Variants in KLHL12 observed in about 807,000 individuals in gnomAD.
The protein encoded by KLHL12 is kelch like family member 12.
In KLHL12, 17 loss-of-function variants were observed where a neutral mutation model predicts 60.8. That is an observed-to-expected ratio of 0.28 (90% CI 0.19 to 0.42). The LOEUF (loss-of-function observed/expected upper bound fraction) is 0.42. Among genes scored for constraint, KLHL12 ranks in the 10% least tolerant of loss-of-function variants. The probability of loss-of-function intolerance (pLI) is 1.00; values close to 1 mark genes in which losing one functional copy is unlikely to be tolerated. For missense variants in KLHL12, 468 were observed against 722.3 expected, an observed-to-expected ratio of 0.65 and a Z score of 4.04; for synonymous variants, 220 against 250.9, an observed-to-expected ratio of 0.88 and a Z score of 1.16.
rs1660394385 is a variant in KLHL12 at position 202,912,478 on chromosome 1, T to TGGCGGC, written c.568-1276_568-1275insGCCGCC. 7.8e-6 allele frequency: 7 copies of TGGCGGC among 900,394 alleles called. No individual in the cohort carries two copies. In the Admixed American group the frequency reaches 1.2e-4, roughly 15 times the overall value. 55.8% of individuals were successfully genotyped at this position (900,394 alleles called of 1,614,324 possible). ...ACAGCCGTGGTGGTGGTGGTGGATA[T>TGGCGGC]GGTGGCAGTGAGGATGGCGATAATG... On this transcript the variant is annotated intron_variant, in intron 4 of 11. Transcript: ENST00000367261.
intron 3 of KLHL12, 99 bp downstream of exon 3, chr1:202,919,656 G>T: frequency 8.7e-7 from 1 of 1,145,604 alleles, no homozygotes; most frequent in Non-Finnish European, 1.2e-6. Flanking sequence ...AACATCCATA[G>T]TTTGTCTCCA....
intron 6 of KLHL12, 107 bp from the exon 7 acceptor site, chr1:202,897,067 T>A (rs1659857112): frequency 3.5e-6 from 3 of 852,494 alleles, no homozygotes; most frequent in East Asian, 4.9e-5. Flanking sequence ...TTGTTTTATG[T>A]GGCTGAGGGA....
Position 202,909,015 on chromosome 1 carries a change from C to T in KLHL12, c.827G>A (p.Arg276His). Residue 276 changes from arginine (R) to histidine (H), a missense_variant, in exon 6 of 12, where the codon CGC (arginine) becomes CAC (histidine). By Grantham distance (29) the Arg-to-His change is conservative. Transcript: ENST00000367261. The surrounding 1 kb of genome is among the most constrained non-coding windows in gnomAD (Gnocchi z 4.1). ...SQMQGPRTRA[R>H]LGANEVLLVV... is the part of the protein sequence containing the mutation. ...CTGCCGAGATACCAGCTTACCTAGG[C>T]GAGCCCTTGTCCTGGGTCCCTGCAT... 4.4e-6 allele frequency: 7 copies of T among 1,609,190 alleles called. No homozygotes were observed. The highest frequency in any genetic ancestry group is 6.0e-6 in the Non-Finnish European group (7 of 1,175,758).
Position 202,925,066 on chromosome 1 carries a change from A to C in KLHL12, c.97T>G (p.Cys33Gly), listed in dbSNP as rs1653458784. The change falls in exon 2 of 12, where the codon TGT becomes GGT. Residue 33 changes from cysteine (C) to glycine (G), a missense_variant. By Grantham distance (159) the Cys-to-Gly change is radical (BLOSUM62 -3). Coordinates refer to ENST00000367261, the MANE Select transcript of KLHL12 (RefSeq NM_021633.4). ...TGCTCTACTCTCAATGTCACATCAC[A>C]GAGGGTATTGCTCTTCCTGAGGGAG... is the stretch of plus-strand genomic sequence containing the variant. ...MNSLRKSNTL[C>G]DVTLRVEQKD... The C allele has an allele frequency of 6.2e-7, 1 of 1,614,174 alleles. No individual in the cohort carries two copies. Among genetic ancestry groups the C allele is most frequent in the Non-Finnish European group, 8.5e-7 (1 of 1,180,028 alleles).
intron 1 of KLHL12, 65 bp downstream of exon 1, chr1:202,927,024 G>C: frequency 1.0e-6 from 1 of 969,676 alleles, no homozygotes; most frequent in Non-Finnish European, 1.2e-6. Flanking sequence ...GGGGGGTAGG[G>C]CCATAACCCG....
chr1:202,906,324 A>G (rs188061337), intron 6 of KLHL12, among the ~76,000 whole-genome samples: 17 of 149,532 alleles, frequency 1.1e-4, no homozygotes, highest in African/African-American at 7.3e-5. Context: ...GCGTGGTGGC[A>G]CACACCTGTA....
chr1:202,906,418 G>A (rs1660191349), intron 6 of KLHL12, among the ~76,000 whole-genome samples: 1 of 133,224 alleles, frequency 7.5e-6, no homozygotes, highest in Non-Finnish European at 1.5e-5. Context: ...TTATGCCACT[G>A]CACTCCAGCC....
Position 202,919,676 on chromosome 1 carries a change from T to A in KLHL12, c.349+79A>T, listed in dbSNP as rs1660626248. 3.7e-6 allele frequency: 5 copies of A among 1,352,622 alleles called. No homozygotes were observed. In the South Asian group the frequency reaches 5.7e-5, roughly 16 times the overall value. The allele number at this position is 1,352,622 out of a possible 1,614,324, so 83.8% of individuals were successfully genotyped here. A position where few individuals can be genotyped will look rare whatever the true frequency, so the allele number is the denominator to read the frequency against. On this transcript the variant is annotated intron_variant, in intron 3 of 11. Transcript: ENST00000367261. ...CCATAGTTTGTCTCCAAAATGTTCA[T>A]GATTAAGTTTACACTATTAATTTTC...
chr1:202,920,106 G>C (rs919259022), intron 2 of KLHL12, among the ~76,000 whole-genome samples, 198 bp from the exon 3 acceptor site: 1 of 152,030 alleles, frequency 6.6e-6, no homozygotes, highest in African/African-American at 2.4e-5. Context: ...CTGAGGTCAG[G>C]AATTCAAGAC....
chr1:202,908,498 T>C (rs2102430345), intron 6 of KLHL12, among the ~76,000 whole-genome samples: 1 of 152,336 alleles, frequency 6.6e-6, no homozygotes, highest in East Asian at 1.9e-4. Flanking sequence ...AGGTTAAGGT[T>C]CCTGCCCAAG....
chr1:202,922,181 A>C (rs1163763964), intron 2 of KLHL12, among the ~76,000 whole-genome samples: 1 of 152,230 alleles, frequency 6.6e-6, no homozygotes, highest in Non-Finnish European at 1.5e-5. Flanking sequence ...ATTTTGCTTT[A>C]GAATTTTTCA....
At chr1:202,896,297 T>C (rs1659831205) in intron 7 of KLHL12, among the ~76,000 whole-genome samples, 1 of 152,116 alleles carries the variant, frequency 6.6e-6, no homozygotes, top group African/African-American at 2.4e-5. Context: ...AGCAATCTTC[T>C]GCCACAGCCT....
intron 4 of KLHL12, among the ~76,000 whole-genome samples, chr1:202,913,354 C>T (rs897852375): frequency 3.3e-5 from 5 of 152,150 alleles, no homozygotes; most frequent in Non-Finnish European, 5.9e-5. Context: ...TGGGAGATAC[C>T]TTTCAGAGTG....
Position 202,891,591 on chromosome 1 carries a change from G to C in KLHL12, c.*942C>G, listed in dbSNP as rs1659677752. 1 of 152,220 alleles carries C rather than the reference G, an allele frequency of 6.6e-6. No individual in the cohort carries two copies. Among genetic ancestry groups the C allele is most frequent in the Non-Finnish European group, 1.5e-5 (1 of 68,050 alleles). 9.4% of individuals were successfully genotyped at this position (152,220 alleles called of 1,614,324 possible). A position where few individuals can be genotyped will look rare whatever the true frequency, so the allele number is the denominator to read the frequency against. ...AATAGTGTGGAAGTGTAATAGTGTA[G>C]TAGTATTTGATCCAACAAAGAAAGG... On this transcript the variant is annotated 3_prime_UTR_variant, in exon 12 of 12. Transcript: ENST00000367261.
intron 6 of KLHL12, among the ~76,000 whole-genome samples, chr1:202,901,247 G>A (rs1043626293): frequency 7.2e-5 from 11 of 152,052 alleles, no homozygotes; most frequent in Non-Finnish European, 1.6e-4. Context: ...AGAGGTGTTG[G>A]TGTGATGTAT....
chr1:202,894,673 G>C lies in KLHL12; in HGVS notation c.1212C>G (p.Asp404Glu). ...GCATATCTCCCAGCATGCTCCACTG[G>C]TCAATGTTTGGATCATAGCGCTCCA... Reference protein sequence around the residue: ...TSMERYDPNIDQWSMLGDMQT... With the variant: ...TSMERYDPNIEQWSMLGDMQT... The change falls in exon 9 of 12, where the codon GAC becomes GAG. Residue 404 changes from aspartate to glutamate, a missense_variant. Physicochemically the swap from Asp to Glu is conservative, Grantham distance 45 (BLOSUM62 2). Transcript: ENST00000367261. 1 of 1,614,046 alleles carries C rather than the reference G, an allele frequency of 6.2e-7. No individual in the cohort carries two copies. The highest frequency in any genetic ancestry group is 1.1e-5 in the South Asian group (1 of 91,074).
chr1:202,914,152 C>A (rs961161547), intron 4 of KLHL12, among the ~76,000 whole-genome samples: 1 of 152,176 alleles, frequency 6.6e-6, no homozygotes, highest in Admixed American at 6.5e-5. Context: ...ACTCTCAGAG[C>A]AACTTGAAAT....
intron 2 of KLHL12, among the ~76,000 whole-genome samples, chr1:202,921,401 C>A (rs1053235107): frequency 6.6e-6 from 1 of 152,088 alleles, no homozygotes; most frequent in Admixed American, 6.5e-5. Context: ...TCTTGAACTC[C>A]TGACCTCAAG....
chr1:202,900,342 G>A (rs914744210), intron 6 of KLHL12, among the ~76,000 whole-genome samples: 5 of 150,908 alleles, frequency 3.3e-5, no homozygotes, highest in Non-Finnish European at 7.4e-5. Flanking sequence ...CCAGGGGTTC[G>A]AGGCCACTTT....
Sources: gnomAD v4.1 joint callset for allele counts (sites outside exome capture counted in the v4.1 genomes callset) on GRCh38, gnomAD v4.1.1 for gene constraint, Gnocchi (gnomAD v3.1) non-coding constraint, MANE v1.5 for transcripts, NCBI Gene and HGNC (gene_info 2026-07-23, HGNC 2026-07-21) for gene names.